Variants in VPS13B observed in about 807,000 individuals in gnomAD.
VPS13B encodes vacuolar protein sorting 13 homolog B.
VPS13B carries 285 observed loss-of-function variants against 426.4 expected under a neutral mutation model. That is an observed-to-expected ratio of 0.67 (90% CI 0.61 to 0.74). The LOEUF is 0.74. VPS13B is among the 30% of genes least tolerant of loss of function. The pLI is 0.00. For synonymous variants in VPS13B, 1,676 were observed against 1,676.4 expected (o/e 1.00, Z 0.01); for missense variants, 4,537 against 4,782.6 (o/e 0.95, Z 1.51).
chr8:99,565,356 C>G (rs1361207436), intron 31 of VPS13B, among the ~76,000 whole-genome samples: 1 of 140,304 alleles, frequency 7.1e-6, no homozygotes, highest in Non-Finnish European at 1.5e-5. Context: ...ACATGTAATA[C>G]TCTGTGGGCT....
intron 30 of VPS13B, among the ~76,000 whole-genome samples, chr8:99,540,324 C>T (rs1446934341): frequency 6.6e-6 from 1 of 151,278 alleles, no homozygotes; most frequent in African/African-American, 2.4e-5. Context: ...CATGATCCAC[C>T]CGCCTCAGCC....
At position 99,821,420 on chromosome 8, in the gene VPS13B, C is replaced by T. The variant is rs1223370834; in HGVS notation, c.9121C>T (p.Leu3041=). 6.2e-7 allele frequency: 1 copy of T among 1,613,748 alleles called. No individual in the cohort carries two copies. Among genetic ancestry groups the T allele is most frequent in the African/African-American group, 1.3e-5 (1 of 74,902 alleles). The change falls in exon 50 of 62, where the codon CTG becomes TTG. Residue 3041 remains leucine (L), a synonymous_variant. Transcript: ENST00000357162. ...KDGGNGEVVT[L]DEEAFVDTEI... Reference sequence around the variant, plus strand: ...TGGAGGTAATGGTGAAGTTGTGACACTGGATGAAGAAGCGTTTGTTGATAC... The same window carrying T: ...TGGAGGTAATGGTGAAGTTGTGACATTGGATGAAGAAGCGTTTGTTGATAC...
In VPS13B at chr8:99,118,562, G is replaced by A. The variant is rs142422955; in HGVS notation, c.938-2615G>A. 3.4e-4 allele frequency among the ~76,000 whole-genome samples: 51 copies of A among 151,978 alleles called. 1 individual carries two copies. In the East Asian group the frequency reaches 4.2e-3, roughly 13 times the overall value. Reference sequence around the variant, plus strand: ...TCCCCTTTCACCTGCCTGCCTCCCCGCGAGAAAACACTGTTCTGAAGTTCC... The same window carrying A: ...TCCCCTTTCACCTGCCTGCCTCCCCACGAGAAAACACTGTTCTGAAGTTCC... On this transcript the variant is annotated intron_variant, in intron 7 of 61. Coordinates refer to ENST00000357162, the MANE Select transcript of VPS13B (RefSeq NM_152564.5).
chr8:99,502,744 A>C, intron 26 of VPS13B, 92 bp from the exon 27 acceptor site: 1 of 950,632 alleles, frequency 1.1e-6, no homozygotes, highest in Non-Finnish European at 1.7e-6. Flanking sequence ...GTACATATCC[A>C]GCATGCATTT....
At chr8:99,070,521 G>T (rs551815295) in intron 3 of VPS13B, among the ~76,000 whole-genome samples, 1 of 152,278 alleles carries the variant, frequency 6.6e-6, no homozygotes, top group African/African-American at 2.4e-5. Context: ...TGAAAGTAAT[G>T]CTTGTTGCAA....
chr8:99,379,137 A>G (rs941554958), intron 19 of VPS13B, among the ~76,000 whole-genome samples: 24 of 152,172 alleles, frequency 1.6e-4, no homozygotes, highest in Admixed American at 1.5e-3. Flanking sequence ...TGCTTTTATG[A>G]GAATTGAATT....
In VPS13B at chr8:99,398,393, G is replaced by A. The variant is rs537290084; in HGVS notation, c.3082+6689G>A. 3.3e-5 allele frequency among the ~76,000 whole-genome samples: 5 copies of A among 152,334 alleles called. No homozygotes were observed. In the East Asian group the frequency reaches 9.6e-4, roughly 29 times the overall value. ...TTCCAAAGAGTTGCAAGAAGAAGGT[G>A]CATGACATGCTGTAGAATCATCAAG... On this transcript the variant is annotated intron_variant, in intron 21 of 61. Transcript: ENST00000357162.
chr8:99,805,705 A>C (rs1298081572), intron 43 of VPS13B, among the ~76,000 whole-genome samples: 1 of 152,172 alleles, frequency 6.6e-6, no homozygotes, highest in African/African-American at 2.4e-5. Flanking sequence ...AAAAAAAGAA[A>C]ATGTACTCTC....
At chr8:99,398,105 TA>T (rs979829234) in intron 21 of VPS13B, among the ~76,000 whole-genome samples, 7 of 152,300 alleles carry the variant, frequency 4.6e-5, no homozygotes, top group South Asian at 2.1e-4. Flanking sequence ...CAAAGCTGGT[TA>T]AAAAAATGTT....
chr8:99,429,613 T>G (rs983251237), intron 21 of VPS13B: 1 of 152,186 alleles, frequency 6.6e-6, no homozygotes, highest in Non-Finnish European at 1.5e-5. Flanking sequence ...TGGAATCATC[T>G]TTGCTTTCTC....
chr8:99,430,294 A>G (rs1358926661), intron 21 of VPS13B, among the ~76,000 whole-genome samples: 1 of 152,188 alleles, frequency 6.6e-6, no homozygotes, highest in Non-Finnish European at 1.5e-5. Context: ...AACTAGTCAT[A>G]TATCACCACA....
chr8:99,311,840 G>C (rs891939594), intron 19 of VPS13B, among the ~76,000 whole-genome samples: 1 of 152,188 alleles, frequency 6.6e-6, no homozygotes, highest in Non-Finnish European at 1.5e-5. Flanking sequence ...CTTGCTTTAT[G>C]AATCTGTGTG....
At chr8:99,612,375 A>G (rs1827880476) in intron 33 of VPS13B, among the ~76,000 whole-genome samples, 2 of 152,178 alleles carry the variant, frequency 1.3e-5, no homozygotes, top group South Asian at 4.1e-4. Context: ...GTAAATGGAA[A>G]TATCTATGGT....
intron 4 of VPS13B, among the ~76,000 whole-genome samples, chr8:99,101,823 C>G (rs1846767793): frequency 6.6e-6 from 1 of 152,132 alleles, no homozygotes; most frequent in African/African-American, 2.4e-5. Context: ...CAGATGCTGA[C>G]AGAAGTTGAT....
rs555771657 is a variant in VPS13B at position 99,345,895 on chromosome 8, G to A, written c.2825-38313G>A. ...AGGTCAAGGGAGGCGAGGGCAGGGA[G>A]AAGTGTCTAGCCATGCCATCTTAGA... On this transcript the variant is annotated intron_variant, in intron 19 of 61. Coordinates refer to ENST00000357162, the MANE Select transcript of VPS13B (RefSeq NM_152564.5). 4.6e-5 allele frequency among the ~76,000 whole-genome samples: 7 copies of A among 152,330 alleles called. No homozygotes were observed. In the South Asian group the frequency reaches 1.4e-3, roughly 32 times the overall value.
rs1816713296 is a variant in VPS13B, at chr8:99,859,399, G to A, written c.10963G>A (p.Glu3655Lys). 2.5e-6 allele frequency: 4 copies of A among 1,614,172 alleles called. No individual in the cohort carries two copies. Among genetic ancestry groups the A allele is most frequent in the Non-Finnish European group, 3.4e-6 (4 of 1,180,044 alleles). ...GVADFFRLPY[E>K]GLTRGPGAFV... Reference sequence around the variant, plus strand: ...CGCCGACTTCTTCAGGCTTCCGTATGAGGGGCTGACCCGGGGCCCTGGAGC... The same window carrying A: ...CGCCGACTTCTTCAGGCTTCCGTATAAGGGGCTGACCCGGGGCCCTGGAGC... Residue 3655 changes from glutamate (E) to lysine (K), a missense_variant, in exon 57 of 62, where the codon GAG (glutamate) becomes AAG (lysine). By Grantham distance (56) the Glu-to-Lys change is moderately conservative. Coordinates refer to ENST00000357162, the MANE Select transcript of VPS13B (RefSeq NM_152564.5).
chr8:99,501,947 TTCTGTCTGTCTG>T (rs369706839), intron 26 of VPS13B, 89 bp downstream of exon 26: 34 of 1,289,346 alleles, frequency 2.6e-5, no homozygotes, highest in South Asian at 2.3e-4. Context: ...TTCCTTTCTT[TTCTGTCTGTCTG>T]TCTGTCTGTC....
chr8:99,176,215 G>A (rs1330737372), intron 16 of VPS13B, among the ~76,000 whole-genome samples: 2 of 151,820 alleles, frequency 1.3e-5, no homozygotes, highest in Admixed American at 6.6e-5. Context: ...TGGCTCACTA[G>A]CCTCTGCCTC....
In VPS13B at chr8:99,664,930, G is replaced by A. The variant is rs1252451157; in HGVS notation, c.6046+3439G>A. On this transcript the variant is annotated intron_variant, in intron 35 of 61. Coordinates refer to ENST00000357162, the MANE Select transcript of VPS13B (RefSeq NM_152564.5). ...AATGGTTTAACTAGTTTACAGTCCT[G>A]CCAACAGTGTAAAACTGTTCCTATT... Among the ~76,000 whole-genome samples, 6 of 152,070 alleles carry A rather than the reference G, an allele frequency of 3.9e-5. No homozygotes were observed. In the South Asian group the frequency reaches 6.2e-4, roughly 16 times the overall value.
Sources: gnomAD v4.1 joint callset for allele counts (sites outside exome capture counted in the v4.1 genomes callset) on GRCh38, gnomAD v4.1.1 for gene constraint, MANE v1.5 for transcripts, NCBI Gene and HGNC (gene_info 2026-07-23, HGNC 2026-07-21) for gene names.